Variants in PAK4 observed in about 807,000 individuals in gnomAD.
PAK4 encodes the protein serine/threonine-protein kinase PAK 4.
A neutral mutation model predicts 53.5 loss-of-function variants in PAK4; 49 were observed. The observed-to-expected ratio is 0.92, with a 90% CI of 0.73 to 1.16. The LOEUF (loss-of-function observed/expected upper bound fraction) is 1.16. Ranked by LOEUF, PAK4 falls within the 50% of genes most tolerant of loss-of-function variation. PAK4 has a pLI of 0.00. For missense variants in PAK4, 824 were observed against 850.7 expected (o/e 0.97, Z 0.39); for synonymous variants, 376 against 375.6 (o/e 1.00, Z -0.01).
intron 7 of PAK4, 134 bp from the exon 9 acceptor site, chr19:39,177,541 C>G (rs1333433848): frequency 1.1e-6 from 1 of 938,784 alleles, no homozygotes; most frequent in African/African-American, 1.7e-5. Flanking sequence ...GGCTGGGTGC[C>G]CAAGAGGGAG....
chr19:39,181,480 G>T (rs1377523166), downstream of PAK4: 2 of 152,418 alleles, frequency 1.3e-5, no homozygotes, highest in African/African-American at 4.8e-5. Context: ...GAAGGAGGCT[G>T]CTGCCACCTG....
chr19:39,153,009 G>A (rs1160146962), intron 1 of PAK4, among the ~76,000 whole-genome samples: 6 of 152,058 alleles, frequency 3.9e-5, no homozygotes, highest in African/African-American at 1.4e-4. Context: ...GGGGGTTCTG[G>A]AGCCAATCTC....
intron 1 of PAK4, among the ~76,000 whole-genome samples, chr19:39,140,730 T>C (rs1331496406): frequency 2.0e-5 from 3 of 152,164 alleles, no homozygotes; most frequent in Admixed American, 2.0e-4. Flanking sequence ...AGCGAAGGGC[T>C]CAGGAGTCCA....
At position 39,173,014 on chromosome 19, in the gene PAK4, C is replaced by A. The variant is rs925258792; in HGVS notation, c.301C>A (p.Arg101=). ...GTCGGTGACACGCTCCAACTCCCTG[C>A]GGAGAGACAGCCCGCCGCCGCCCGC... The change falls in exon 3 of 9, where the codon CGG becomes AGG. Residue 101 remains arginine (R), a synonymous_variant. Transcript: ENST00000358301. The surrounding 1 kb of genome is among the most constrained non-coding windows in gnomAD (Gnocchi z 6.9). 1 of 1,549,524 alleles carries A rather than the reference C, an allele frequency of 6.5e-7. No individual in the cohort carries two copies. Among genetic ancestry groups the A allele is most frequent in the Non-Finnish European group, 8.7e-7 (1 of 1,147,036 alleles).
chr19:39,150,293 A>G (rs1313795667), intron 1 of PAK4, among the ~76,000 whole-genome samples: 1 of 152,000 alleles, frequency 6.6e-6, no homozygotes, highest in Non-Finnish European at 1.5e-5. Flanking sequence ...TCTTGAAAAA[A>G]GAGCTCTGGG....
In PAK4 at chr19:39,145,587, G is replaced by A. The variant is rs181069238; in HGVS notation, c.-23+19668G>A. Among the ~76,000 whole-genome samples the A allele has an allele frequency of 3.3e-4, 51 of 152,258 alleles. 1 individual carries two copies. In the East Asian group the frequency reaches 4.6e-3, roughly 14 times the overall value. ...CCACCTCCAGTGGAAGTGGTAGAGC[G>A]CCGTTGGCTTCCTAGGGCACCACAT... On this transcript the variant is annotated intron_variant, in intron 1 of 8. Transcript: ENST00000358301.
At chr19:39,136,823 C>T (rs747172359) in intron 1 of PAK4, among the ~76,000 whole-genome samples, 6 of 152,218 alleles carry the variant, frequency 3.9e-5, no homozygotes, top group Non-Finnish European at 7.3e-5. Flanking sequence ...AATGGGGACC[C>T]GCCCTGGGTG....
intron 1 of PAK4, chr19:39,135,324 C>CTTTTTTT (rs559171888): frequency 6.1e-4 from 54 of 88,362 alleles, no homozygotes; most frequent in African/African-American, 8.8e-4. Flanking sequence ...AGTGCTTATT[C>CTTTTTTT]TTTTTTTTTT....
intron 2 of PAK4, among the ~76,000 whole-genome samples, chr19:39,172,550 A>G (rs1220180910): frequency 6.6e-6 from 1 of 152,016 alleles, no homozygotes; most frequent in Non-Finnish European, 1.5e-5. Flanking sequence ...GCGCCCTGTC[A>G]TTTGCAGCCC....
chr19:39,128,055 T>G (rs1336195318), intron 1 of PAK4, among the ~76,000 whole-genome samples: 1 of 152,126 alleles, frequency 6.6e-6, no homozygotes, highest in African/African-American at 2.4e-5. Flanking sequence ...GCCTGAGGCC[T>G]TGATGGAGCG....
chr19:39,180,269 G>GT (rs1293660306), downstream of PAK4: 6 of 152,122 alleles, frequency 3.9e-5, no homozygotes, highest in Non-Finnish European at 8.8e-5. Context: ...GCAAGCAGCT[G>GT]TGCTCTCTGC....
chr19:39,155,084 G>A (rs186822523), intron 1 of PAK4, among the ~76,000 whole-genome samples: 27 of 152,306 alleles, frequency 1.8e-4, no homozygotes, highest in Middle Eastern at 3.4e-3. Context: ...ACCCAGGTGC[G>A]TCTGTCTGCT....
chr19:39,162,771 C>G (rs1021584611), intron 1 of PAK4, among the ~76,000 whole-genome samples: 3 of 152,150 alleles, frequency 2.0e-5, no homozygotes, highest in African/African-American at 7.2e-5. Context: ...GCTATGGGCC[C>G]CAGGCCCAGC....
At chr19:39,135,841 C>G (rs1218304765) in intron 1 of PAK4, among the ~76,000 whole-genome samples, 1 of 151,664 alleles carries the variant, frequency 6.6e-6, no homozygotes, top group African/African-American at 2.4e-5. Flanking sequence ...CATCCCTCGT[C>G]TTGTTTCGGG....
intron 1 of PAK4, among the ~76,000 whole-genome samples, chr19:39,160,850 T>A (rs180782245): frequency 1.1e-4 from 16 of 152,374 alleles, no homozygotes; most frequent in Admixed American, 2.0e-4. Flanking sequence ...AGGGACATTG[T>A]CCCTTCCTGT....
chr19:39,173,598 C>CCTCTGT lies in PAK4; in HGVS notation c.686_687insCTCTGT (p.Pro229_Asn230insSerVal). On this transcript the variant is annotated inframe_insertion, in exon 4 of 9. Transcript: ENST00000358301. This position sits in a 1 kb window ranked among gnomAD's most constrained non-coding sequence, Gnocchi z 6.9. ...CAGGGGGAGCCTCATGACGTGGCCC[C>CCTCTGT]TAACGGGCCATCAGCGGGGGGCCTG... The CCTCTGT allele has an allele frequency of 6.5e-7, 1 of 1,529,462 alleles. No individual in the cohort carries two copies. Among genetic ancestry groups the CCTCTGT allele is most frequent in the South Asian group, 1.3e-5 (1 of 76,944 alleles). The allele number at this position is 1,529,462 out of a possible 1,614,324, so 94.7% of individuals were successfully genotyped here.
chr19:39,131,624 ACT>A (rs2073712841), intron 1 of PAK4, among the ~76,000 whole-genome samples: 1 of 151,802 alleles, frequency 6.6e-6, no homozygotes, highest in African/African-American at 2.4e-5. Context: ...GAAGGGGAAC[ACT>A]CTCCCATCCC....
intron 2 of PAK4, among the ~76,000 whole-genome samples, chr19:39,171,084 G>A (rs891120736): frequency 9.2e-5 from 14 of 152,384 alleles, no homozygotes; most frequent in African/African-American, 3.1e-4. Context: ...CCAGCAGGAG[G>A]CAGGGCACTT....
intron 1 of PAK4, among the ~76,000 whole-genome samples, chr19:39,151,912 G>A (rs1226332827): frequency 2.0e-5 from 3 of 152,168 alleles, no homozygotes; most frequent in African/African-American, 7.2e-5. Flanking sequence ...GGGATTACAG[G>A]CATGCGCCAC....
Sources: gnomAD v4.1 joint callset for allele counts (sites outside exome capture counted in the v4.1 genomes callset) on GRCh38, gnomAD v4.1.1 for gene constraint, Gnocchi (gnomAD v3.1) non-coding constraint, MANE v1.5 for transcripts, NCBI Gene and HGNC (gene_info 2026-07-23, HGNC 2026-07-21) for gene names.